Variants in MLLT3 observed in about 807,000 individuals in gnomAD.
The protein encoded by MLLT3 is protein AF-9.
Under a neutral mutation model 53.2 loss-of-function variants are expected in MLLT3, and 4 were observed. The observed-to-expected ratio is 0.08, with a 90% confidence interval of 0.04 to 0.17. The LOEUF is 0.17. Ranked by LOEUF, MLLT3 falls within the 10% of genes least tolerant of loss-of-function variation. The pLI is 1.00. For missense variants in MLLT3, 569 were observed against 684.0 expected (o/e 0.83, Z 1.87); for synonymous variants, 283 against 230.6 (o/e 1.23, Z -2.06).
At chr9:20,589,293 A>C in intron 2 of MLLT3, among the ~76,000 whole-genome samples, 1 of 151,886 alleles carries the variant, frequency 6.6e-6, no homozygotes, top group African/African-American at 2.4e-5. Context: ...AGGGACATGG[A>C]GGAAATTGGA....
chr9:20,615,829 G>C (rs546770736), intron 2 of MLLT3, among the ~76,000 whole-genome samples: 36 of 148,108 alleles, frequency 2.4e-4, no homozygotes, highest in Non-Finnish European at 4.1e-4. Context: ...GAAAAGAGAA[G>C]CTGGTAAGAG....
rs2131216708 is a variant in MLLT3, at chr9:20,618,799, T to A, written c.193+1855A>T. On this transcript the variant is annotated intron_variant, in intron 2 of 10. Coordinates refer to ENST00000380338, the MANE Select transcript of MLLT3 (RefSeq NM_004529.4). ...AATAAAAATAACATCAATGCACACATCCACTGAAGCAGAAAAACAATGGTA... is the reference window on the plus strand; with the variant it reads ...AATAAAAATAACATCAATGCACACAACCACTGAAGCAGAAAAACAATGGTA... 1.3e-5 allele frequency among the ~76,000 whole-genome samples: 2 copies of A among 152,254 alleles called. 1 individual carries two copies. Among genetic ancestry groups the A allele is most frequent in the South Asian group, 4.1e-4 (2 of 4,826 alleles).
intron 2 of MLLT3, among the ~76,000 whole-genome samples, chr9:20,461,111 C>T (rs981179486): frequency 3.3e-5 from 5 of 152,166 alleles, no homozygotes; most frequent in African/African-American, 1.2e-4. Context: ...TCTAATTAAT[C>T]CCATGTACCA....
chr9:20,358,024 C>T (rs530391470), intron 8 of MLLT3, among the ~76,000 whole-genome samples: 20 of 148,002 alleles, frequency 1.4e-4, no homozygotes, highest in African/African-American at 2.1e-4. Context: ...CATTCAAATA[C>T]GACTAAAAAG....
chr9:20,620,897 G>C lies in MLLT3; in HGVS notation c.13-63C>G. 6.4e-7 allele frequency: 1 copy of C among 1,557,180 alleles called. No homozygotes were observed. The highest frequency in any genetic ancestry group is 1.1e-5 in the South Asian group (1 of 89,936). The stretch of plus-strand genomic sequence containing the variant: ...GGAAGGCGAGGTTTCGGCAGTGAAC[G>C]TTGCGCCTGACATTTTTTTCCTCCT... On this transcript the variant is annotated intron_variant, in intron 1 of 10. Coordinates refer to ENST00000380338, the MANE Select transcript of MLLT3 (RefSeq NM_004529.4). This position sits in a 1 kb window ranked among gnomAD's most constrained non-coding sequence, Gnocchi z 6.1.
chr9:20,586,606 C>G (rs567091271), intron 2 of MLLT3, among the ~76,000 whole-genome samples: 1 of 151,908 alleles, frequency 6.6e-6, no homozygotes, highest in Non-Finnish European at 1.5e-5. Flanking sequence ...AGGCAAAATA[C>G]CATGGAGGCA....
chr9:20,593,527 T>C (rs951170936), intron 2 of MLLT3, among the ~76,000 whole-genome samples: 1 of 152,240 alleles, frequency 6.6e-6, no homozygotes, highest in African/African-American at 2.4e-5. Context: ...AGTTTTACCA[T>C]GATTTGTCTT....
chr9:20,588,318 G>A (rs1183946422), intron 2 of MLLT3, among the ~76,000 whole-genome samples: 18 of 149,914 alleles, frequency 1.2e-4, no homozygotes, highest in Middle Eastern at 3.4e-3. Flanking sequence ...TTGACTTGGC[G>A]ATGCGGGCTC....
chr9:20,574,464 C>G (rs1819606402), intron 2 of MLLT3, among the ~76,000 whole-genome samples: 1 of 152,168 alleles, frequency 6.6e-6, no homozygotes, highest in African/African-American at 2.4e-5. Context: ...AAGAAAATCA[C>G]ACAATTTTTT....
intron 2 of MLLT3, among the ~76,000 whole-genome samples, chr9:20,602,684 TGGA>T (rs1820456896): frequency 6.6e-6 from 1 of 151,944 alleles, no homozygotes; most frequent in Non-Finnish European, 1.5e-5. Context: ...TTTGGCATCT[TGGA>T]GGAGTGGCAA....
At chr9:20,371,417 G>A (rs1237455147) in intron 5 of MLLT3, among the ~76,000 whole-genome samples, 1 of 152,188 alleles carries the variant, frequency 6.6e-6, no homozygotes, top group African/African-American at 2.4e-5. Flanking sequence ...CAAAGGATAG[G>A]CTGACACTCT....
At chr9:20,514,925 A>G (rs998184286) in intron 2 of MLLT3, among the ~76,000 whole-genome samples, 1 of 146,328 alleles carries the variant, frequency 6.8e-6, no homozygotes, top group African/African-American at 2.5e-5. Flanking sequence ...AGTGTTTCTT[A>G]CCTTGAAGGA....
intron 4 of MLLT3, among the ~76,000 whole-genome samples, chr9:20,442,523 T>C (rs1223176994): frequency 6.6e-6 from 1 of 152,164 alleles, no homozygotes; most frequent in African/African-American, 2.4e-5. Flanking sequence ...GAGAAGAGAT[T>C]GTGATCCATA....
chr9:20,566,763 G>A (rs1330275595), intron 2 of MLLT3, among the ~76,000 whole-genome samples: 1 of 152,086 alleles, frequency 6.6e-6, no homozygotes, highest in Admixed American at 6.6e-5. Context: ...CCTTACATAT[G>A]CTTGTGCCCA....
At chr9:20,571,845 G>C (rs1182226967) in intron 2 of MLLT3, among the ~76,000 whole-genome samples, 1 of 152,224 alleles carries the variant, frequency 6.6e-6, no homozygotes, top group Non-Finnish European at 1.5e-5. Flanking sequence ...ACTTCTGTTA[G>C]AACAGTTTTT....
At chr9:20,418,819 C>T (rs1251956450) in intron 4 of MLLT3, among the ~76,000 whole-genome samples, 1 of 152,124 alleles carries the variant, frequency 6.6e-6, no homozygotes, top group East Asian at 1.9e-4. Flanking sequence ...TATGGCCAGC[C>T]TTCCCAGCAC....
chr9:20,415,470 T>C lies in MLLT3; in HGVS notation c.421-1045A>G, dbSNP rs4977423. 5.8e-4 allele frequency: 564 copies of C among 969,070 alleles called. 7 individuals carry two copies. In the Admixed American group the frequency reaches 0.028, roughly 49 times the overall value. 60.0% of individuals were successfully genotyped at this position (969,070 alleles called of 1,614,324 possible). On this transcript the variant is annotated intron_variant, in intron 4 of 10. Coordinates refer to ENST00000380338, the MANE Select transcript of MLLT3 (RefSeq NM_004529.4). ...GAACCTCTACCATTAATAGTAAGAA[T>C]AAGAAACAGAGAAGATCCTGGACAT...
chr9:20,594,672 A>G (rs1362735056), intron 2 of MLLT3, among the ~76,000 whole-genome samples: 2 of 152,218 alleles, frequency 1.3e-5, no homozygotes, highest in Non-Finnish European at 1.5e-5. Flanking sequence ...GAGGTAAAGA[A>G]GTCAGCCAAA....
chr9:20,529,207 T>C (rs890414025), intron 2 of MLLT3, among the ~76,000 whole-genome samples: 1 of 152,196 alleles, frequency 6.6e-6, no homozygotes, highest in Admixed American at 6.5e-5. Flanking sequence ...GTGATCCAAA[T>C]GTGCAACCAG....
Sources: gnomAD v4.1 joint callset for allele counts (sites outside exome capture counted in the v4.1 genomes callset) on GRCh38, gnomAD v4.1.1 for gene constraint, Gnocchi (gnomAD v3.1) non-coding constraint, MANE v1.5 for transcripts, NCBI Gene and HGNC (gene_info 2026-07-23, HGNC 2026-07-21) for gene names.